The following ATG4A variants were observed in gnomAD, a reference collection of about 807,000 sequenced individuals.
The protein encoded by ATG4A is cysteine protease ATG4A.
A neutral mutation model predicts 38.4 loss-of-function variants in ATG4A; 22 were observed. The observed-to-expected ratio is 0.57, with a 90% CI of 0.41 to 0.82. The LOEUF (loss-of-function observed/expected upper bound fraction) is 0.82. Among genes scored for constraint, ATG4A ranks in the 40% least tolerant of loss-of-function variants. The probability of loss-of-function intolerance (pLI) is 0.00; values close to 1 mark genes in which losing one functional copy is unlikely to be tolerated. For synonymous variants in ATG4A, 86 were observed against 100.7 expected, an observed-to-expected ratio of 0.85 and a Z score of 0.88; for missense variants, 220 against 290.0, an observed-to-expected ratio of 0.76 and a Z score of 1.75.
intron 6 of ATG4A, 121 bp downstream of exon 6, chrX:108,134,532 A>G: frequency 1.7e-6 from 1 of 586,487 alleles, no homozygotes; most frequent in Non-Finnish European, 2.7e-6. Context: ...TCCTCCCACT[A>G]AACCATCAAA....
chrX:108,145,292 T>A (rs1318835552), intron 9 of ATG4A, among the ~76,000 whole-genome samples: 1 of 112,524 alleles, frequency 8.9e-6, no homozygotes, highest in African/African-American at 3.2e-5. Context: ...AATAAGATTA[T>A]GACACAAAGA....
At chrX:108,146,320 A>G (rs938765702) in intron 9 of ATG4A, among the ~76,000 whole-genome samples, 1 of 111,699 alleles carries the variant, frequency 9.0e-6, no homozygotes, top group Non-Finnish European at 1.9e-5. Context: ...TAGGCTTCCT[A>G]TCAATTTCAC....
At chrX:108,151,998 A>T in intron 11 of ATG4A, 140 bp downstream of exon 11, 1 of 594,731 alleles carries the variant, frequency 1.7e-6, no homozygotes, top group East Asian at 3.4e-5. Flanking sequence ...CAACAAAGAA[A>T]CTATCAGGTG....
intron 1 of ATG4A, among the ~76,000 whole-genome samples, chrX:108,124,114 A>G (rs988289751): frequency 8.9e-6 from 1 of 111,996 alleles, no homozygotes; most frequent in Non-Finnish European, 1.9e-5. Context: ...GCACAGTGTG[A>G]TTTGCCCTGC....
chrX:108,132,118 C>T (rs770288997), intron 4 of ATG4A, among the ~76,000 whole-genome samples: 34 of 111,628 alleles, frequency 3.0e-4, no homozygotes, highest in African/African-American at 1.0e-3. Flanking sequence ...AGGCTGATCT[C>T]GAACTCCTGA....
chrX:108,091,177 C>T (rs1447886766), upstream of ATG4A, among the ~76,000 whole-genome samples: 1 of 113,332 alleles, frequency 8.8e-6, no homozygotes, highest in Non-Finnish European at 1.9e-5. Flanking sequence ...TAGAACTATC[C>T]AAAAATCAGG....
At chrX:108,099,779 C>T (rs1034106583) in intron 1 of ATG4A, among the ~76,000 whole-genome samples, 41 of 111,304 alleles carry the variant, frequency 3.7e-4, no homozygotes, top group African/African-American at 1.2e-3. Flanking sequence ...ATAAGTATGC[C>T]GTACTTGTGT....
chrX:108,153,151 G>C, intron 12 of ATG4A, 64 bp downstream of exon 12: 2 of 822,276 alleles, frequency 2.4e-6, no homozygotes, highest in Non-Finnish European at 3.6e-6. Flanking sequence ...TTATGAGAAA[G>C]AAGAATTGTG....
chrX:108,130,238 C>T (rs2032919541), intron 3 of ATG4A, among the ~76,000 whole-genome samples: 2 of 111,440 alleles, frequency 1.8e-5, no homozygotes, highest in South Asian at 7.7e-4. Flanking sequence ...ACTTGTCCTA[C>T]AAGGTTGATG....
At chrX:108,139,468 G>T (rs1397299619) in intron 9 of ATG4A, among the ~76,000 whole-genome samples, 1 of 112,057 alleles carries the variant, frequency 8.9e-6, no homozygotes, top group Non-Finnish European at 1.9e-5. Flanking sequence ...CTTTAGGTTG[G>T]GGGGTGTGGA....
At chrX:108,128,011 C>T (rs778433631) in intron 2 of ATG4A, among the ~76,000 whole-genome samples, 2 of 112,743 alleles carry the variant, frequency 1.8e-5, no homozygotes, top group Non-Finnish European at 3.7e-5. Flanking sequence ...ATTTCTTACA[C>T]ACCTAATTTG....
intron 1 of ATG4A, among the ~76,000 whole-genome samples, chrX:108,094,170 A>G (rs903359896): frequency 9.0e-6 from 1 of 111,556 alleles, no homozygotes; most frequent in African/African-American, 3.3e-5. Context: ...ATTTTCTCCA[A>G]TGTTTTCTTC....
rs765788981 is a variant in ATG4A, at chrX:108,150,168, C to T, written c.831C>T (p.Phe277=). Residue 277 remains phenylalanine, a synonymous_variant, in exon 10 of 13, where the codon TTC becomes TTT. Transcript: ENST00000372232. ...FIGFLGDELI[F]LDPHTTQTFV... ...TCAAAACAGGTGACGAGCTCATCTT[C>T]TTGGACCCTCATACAACCCAGACCT... is the stretch of plus-strand genomic sequence containing the variant. The T allele has an allele frequency of 1.2e-5, 15 of 1,211,868 alleles. No homozygotes were observed. The highest frequency in any genetic ancestry group is 2.3e-4 in the Middle Eastern group (1 of 4,354).
At chrX:108,104,123 C>T (rs1396152962) in intron 1 of ATG4A, among the ~76,000 whole-genome samples, 1 of 112,404 alleles carries the variant, frequency 8.9e-6, no homozygotes, top group East Asian at 2.8e-4. Flanking sequence ...GCATGAGCTG[C>T]CGCACCCAGC....
At chrX:108,115,518 T>C (rs985330660) in intron 1 of ATG4A, among the ~76,000 whole-genome samples, 15 of 112,227 alleles carry the variant, frequency 1.3e-4, no homozygotes, top group Non-Finnish European at 2.4e-4. Context: ...TGAGTCATAC[T>C]GTATCTACTA....
At chrX:108,131,140 G>A in intron 3 of ATG4A, 120 bp from the exon 4 acceptor site, 1 of 630,698 alleles carries the variant, frequency 1.6e-6, no homozygotes, top group Non-Finnish European at 2.5e-6. Flanking sequence ...GGGTGTATCT[G>A]TCACCTCACT....
chrX:108,123,190 G>A (rs1376770565), intron 1 of ATG4A, among the ~76,000 whole-genome samples: 2 of 112,033 alleles, frequency 1.8e-5, no homozygotes, highest in Non-Finnish European at 3.8e-5. Flanking sequence ...GGTGAAGCCT[G>A]TTGTCCCTGA....
intron 10 of ATG4A, among the ~76,000 whole-genome samples, chrX:108,151,422 C>T (rs1316454607): frequency 8.9e-6 from 1 of 112,248 alleles, no homozygotes; most frequent in African/African-American, 3.2e-5. Context: ...TTAAGTATTG[C>T]CTCTAGCTAA....
intron 1 of ATG4A, among the ~76,000 whole-genome samples, chrX:108,103,452 C>T (rs1359490902): frequency 8.9e-6 from 1 of 112,166 alleles, no homozygotes; most frequent in Non-Finnish European, 1.9e-5. Context: ...TATGACTGTA[C>T]CGTACTGTTT....
Sources: allele counts gnomAD v4.1 joint callset (sites outside exome capture counted in the v4.1 genomes callset), GRCh38; gene constraint gnomAD v4.1.1; transcripts MANE v1.5; gene names NCBI Gene and HGNC (gene_info 2026-07-23, HGNC 2026-07-21).